The following TSEN15 variants were observed in gnomAD, a reference collection of about 807,000 sequenced individuals.
The protein encoded by TSEN15 is tRNA-splicing endonuclease subunit Sen15.
A neutral mutation model predicts 20.5 loss-of-function variants in TSEN15; 10 were observed. The ratio of observed to expected loss-of-function variants is 0.49; its 90% CI spans 0.30 to 0.83. The LOEUF (loss-of-function observed/expected upper bound fraction) is 0.83, where lower values mean the gene tolerates loss of function less well. TSEN15 is among the 40% of genes least tolerant of loss of function. The pLI is 0.06. For synonymous variants in TSEN15, 72 were observed against 80.1 expected, an observed-to-expected ratio of 0.90 and a Z score of 0.54; for missense variants, 180 against 218.6, an observed-to-expected ratio of 0.82 and a Z score of 1.11.
chr1:184,054,444 T>C lies in TSEN15; in HGVS notation c.217+9T>C. ...CCTGGACCTCATGGAAAGTAAGTTGTTTGTTTATATTGTTTTGTTATTGGG... is the reference window on the plus strand; with the variant it reads ...CCTGGACCTCATGGAAAGTAAGTTGCTTGTTTATATTGTTTTGTTATTGGG... On this transcript the variant is annotated intron_variant, in intron 2 of 4. Coordinates refer to ENST00000645668, the MANE Select transcript of TSEN15 (RefSeq NM_052965.4). 1 of 1,597,782 alleles carries C rather than the reference T, an allele frequency of 6.3e-7. No individual in the cohort carries two copies. Among genetic ancestry groups the C allele is most frequent in the Non-Finnish European group, 8.6e-7 (1 of 1,166,006 alleles).
At position 184,051,786 on chromosome 1, in the gene TSEN15, C is replaced by A. The variant is rs776676656; in HGVS notation, c.31C>A (p.Pro11Thr). The change falls in exon 1 of 5, where the codon CCC becomes ACC. Residue 11 changes from proline (P) to threonine (T), a missense_variant. Pro to Thr is a conservative substitution (Grantham distance 38, BLOSUM62 -1). This residue lies in a region of TSEN15 where 76 missense variants were observed against 66.5 expected (regional missense o/e 1.14). Coordinates refer to ENST00000645668, the MANE Select transcript of TSEN15 (RefSeq NM_052965.4). ...GGAGCGCGGCGATTCCGAGCCGACC[C>A]CCGGCTGCAGCGGCCTGGGTCCGGG... MEERGDSEPT[P>T]GCSGLGPGGV... 24 of 1,520,098 alleles carry A rather than the reference C, an allele frequency of 1.6e-5. No homozygotes were observed. The African/African-American group carries it at 2.8e-4, about 18-fold the overall frequency. 94.2% of individuals were successfully genotyped at this position (1,520,098 alleles called of 1,614,324 possible).
intron 3 of TSEN15, among the ~76,000 whole-genome samples, chr1:184,062,644 G>A (rs189315391): frequency 6.6e-6 from 1 of 152,152 alleles, no homozygotes; most frequent in East Asian, 1.9e-4. Flanking sequence ...TAGTACTACA[G>A]GTAGTTGCAA....
intron 3 of TSEN15, among the ~76,000 whole-genome samples, chr1:184,065,183 T>TACACACAAACAC (rs1553219960): frequency 6.7e-6 from 1 of 150,022 alleles, no homozygotes; most frequent in African/African-American, 2.4e-5. Flanking sequence ...TTAAAATGTA[T>TACACACAAACAC]ACACACACAC....
intron 3 of TSEN15, among the ~76,000 whole-genome samples, chr1:184,088,076 T>A (rs1417764491): frequency 2.0e-5 from 3 of 152,118 alleles, no homozygotes. Flanking sequence ...TCTCTTGTTG[T>A]AGAGGCAGAA....
At chr1:184,086,411 G>C (rs1458237776) in intron 3 of TSEN15, among the ~76,000 whole-genome samples, 1 of 152,086 alleles carries the variant, frequency 6.6e-6, no homozygotes, top group Non-Finnish European at 1.5e-5. Flanking sequence ...GGGTATGGAT[G>C]GTATATTAGT....
intron 3 of TSEN15, among the ~76,000 whole-genome samples, chr1:184,080,419 T>C (rs1651144461): frequency 6.6e-6 from 1 of 152,182 alleles, no homozygotes; most frequent in Admixed American, 6.6e-5. Context: ...CACTGTATTG[T>C]TTTCAGAATA....
downstream of TSEN15, among the ~76,000 whole-genome samples, chr1:184,078,458 A>G (rs1651104213): frequency 6.6e-6 from 1 of 152,106 alleles, no homozygotes; most frequent in Non-Finnish European, 1.5e-5. Context: ...CTTTTCTGTA[A>G]AAGAGGTGCC....
At chr1:184,095,659 C>G (rs890052766) in intron 3 of TSEN15, 2 of 390,992 alleles carry the variant, frequency 5.1e-6, no homozygotes, top group African/African-American at 2.2e-5. Context: ...CTCTCTCTCT[C>G]TCTCTCTCTG....
At chr1:184,060,240 A>T (rs1650402519) in intron 3 of TSEN15, among the ~76,000 whole-genome samples, 1 of 152,250 alleles carries the variant, frequency 6.6e-6, no homozygotes. Context: ...TTTTGAACAG[A>T]ACTACAGCTA....
chr1:184,095,313 A>C (rs1277985895), intron 3 of TSEN15: 7 of 391,938 alleles, frequency 1.8e-5, no homozygotes, highest in Non-Finnish European at 3.1e-5. Context: ...CTAACAACTT[A>C]TTGTTGGTGG....
At chr1:184,077,467 G>A (rs1651085803), downstream of TSEN15, among the ~76,000 whole-genome samples, 1 of 152,170 alleles carries the variant, frequency 6.6e-6, no homozygotes, top group African/African-American at 2.4e-5. Context: ...TTTCATGCTT[G>A]TGAACACATT....
At chr1:184,069,290 C>T (rs1650800609) in intron 3 of TSEN15, among the ~76,000 whole-genome samples, 1 of 151,946 alleles carries the variant, frequency 6.6e-6, no homozygotes, top group African/African-American at 2.4e-5. Context: ...TGGGATTTTT[C>T]CCTTTAGATA....
downstream of TSEN15, among the ~76,000 whole-genome samples, chr1:184,077,668 G>C (rs774915243): frequency 3.3e-5 from 5 of 152,088 alleles, no homozygotes; most frequent in Non-Finnish European, 7.4e-5. Context: ...CATGGGAAGA[G>C]GTAAAAATGT....
downstream of TSEN15, among the ~76,000 whole-genome samples, chr1:184,076,938 A>G (rs1478464429): frequency 6.6e-6 from 1 of 152,214 alleles, no homozygotes; most frequent in Non-Finnish European, 1.5e-5. Flanking sequence ...AGCTGTCTTC[A>G]TAACTTAAAA....
chr1:184,081,756 C>T (rs1248019411), intron 3 of TSEN15, among the ~76,000 whole-genome samples: 1 of 152,080 alleles, frequency 6.6e-6, no homozygotes, highest in Non-Finnish European at 1.5e-5. Flanking sequence ...GGAAAGGGCA[C>T]TAAGTACCAC....
Position 184,072,285 on chromosome 1 carries a change from T to C in TSEN15, c.482T>C (p.Leu161Pro), listed in dbSNP as rs1650913791. ...TATAAACTTACTGATGGATTTATGC[T>C]GCCAGACCCTCAGGTCAGTTTTGAG... ...VYYKLTDGFM[L>P]PDPQNISLRR The change falls in exon 4 of 5, where the codon CTG (leucine) becomes CCG (proline). Residue 161 changes from leucine (L) to proline (P), a missense_variant. Around this residue, in one of 3 missense-constraint regions of TSEN15, gnomAD observed 28 missense variants for 28.7 expected, o/e 0.98. Transcript: ENST00000645668. 5 of 1,608,306 alleles carry C rather than the reference T, an allele frequency of 3.1e-6. No individual in the cohort carries two copies. The highest frequency in any genetic ancestry group is 4.2e-6 in the Non-Finnish European group (5 of 1,177,728).
intron 3 of TSEN15, chr1:184,095,648 T>TCC: frequency 2.5e-6 from 1 of 396,192 alleles, no homozygotes; most frequent in Non-Finnish European, 4.4e-6. Flanking sequence ...TCTCTCTCTC[T>TCC]CTCTCTCTCT....
At chr1:184,054,294 T>A in intron 1 of TSEN15, 60 bp from the exon 2 acceptor site, 1 of 1,111,734 alleles carries the variant, frequency 9.0e-7, no homozygotes, top group Non-Finnish European at 1.3e-6. Flanking sequence ...ACTTGATGAT[T>A]GGAAGAAAAT....
intron 3 of TSEN15, among the ~76,000 whole-genome samples, chr1:184,084,722 C>T (rs1651230226): frequency 6.6e-6 from 1 of 151,866 alleles, no homozygotes; most frequent in African/African-American, 2.4e-5. Context: ...AAAGAGAGAT[C>T]AAGAGGAGTC....
Sources: allele counts gnomAD v4.1 joint callset (sites outside exome capture counted in the v4.1 genomes callset), GRCh38; gene constraint gnomAD v4.1.1; regional missense constraint gnomAD v4.1.1; transcripts MANE v1.5; gene names NCBI Gene and HGNC (gene_info 2026-07-23, HGNC 2026-07-21).